Variants in INSC observed in about 807,000 individuals in gnomAD.
The protein encoded by INSC is protein inscuteable homolog.
A neutral mutation model predicts 58.6 loss-of-function variants in INSC; 67 were observed. The observed-to-expected ratio is 1.14, with a 90% CI of 0.94 to 1.40. INSC has a LOEUF of 1.40. Among genes scored for constraint, INSC ranks in the 40% most tolerant of loss-of-function variants. INSC has a pLI of 0.00. For missense variants in INSC, 714 were observed against 692.0 expected (o/e 1.03, Z -0.36); for synonymous variants, 262 against 276.1 (o/e 0.95, Z 0.51).
chr11:15,259,510 T>A, the INSC span, among the ~76,000 whole-genome samples: 1 of 152,220 alleles, frequency 6.6e-6, no homozygotes, highest in African/African-American at 2.4e-5. Flanking sequence ...AAGAGTTGTA[T>A]GACTTGAGTT....
chr11:15,175,881 G>C lies in INSC; in HGVS notation c.197G>C (p.Gly66Ala). Residue 66 changes from glycine (G) to alanine (A), a missense_variant, in exon 3 of 13, where the codon GGT (glycine) becomes GCT (alanine). Gly to Ala is a moderately conservative substitution (Grantham distance 60). Coordinates refer to ENST00000379556, the MANE Select transcript of INSC (RefSeq NM_001042536.3). ...GCACAGGGTGACCTCATCCTGGCAG[G>C]TGGCCCTGGCCCTGGAGACCCCCTG... is the stretch of plus-strand genomic sequence containing the variant. ...EDAQGDLILA[G>A]GPGPGDPLQL... The C allele has an allele frequency of 6.2e-7, 1 of 1,614,098 alleles. No homozygotes were observed. Among genetic ancestry groups the C allele is most frequent in the Non-Finnish European group, 8.5e-7 (1 of 1,179,938 alleles).
At chr11:15,190,883 G>A in intron 6 of INSC, 69 bp downstream of exon 6, 1 of 1,035,276 alleles carries the variant, frequency 9.7e-7, no homozygotes, top group Non-Finnish European at 1.5e-6. Context: ...TTGTTCAATG[G>A]GAATAGCTGG....
chr11:15,195,692 CATT>C (rs1311884890), intron 6 of INSC, among the ~76,000 whole-genome samples: 1 of 152,182 alleles, frequency 6.6e-6, no homozygotes, highest in African/African-American at 2.4e-5. Context: ...TCCAGTTAAA[CATT>C]AATCCCAAAC....
chr11:15,179,529 T>C (rs867293595), intron 5 of INSC, among the ~76,000 whole-genome samples: 1 of 152,200 alleles, frequency 6.6e-6, no homozygotes, highest in Non-Finnish European at 1.5e-5. Flanking sequence ...CCCTTCTGGC[T>C]TGACTGACAT....
At chr11:15,245,872 C>T in intron 12 of INSC, 40 bp from the exon 13 acceptor site, 1 of 1,600,200 alleles carries the variant, frequency 6.2e-7, no homozygotes, top group Non-Finnish European at 8.5e-7. Context: ...CCTGACATGG[C>T]CCAGTCTGAC....
chr11:15,115,061 A>C (rs2133668159), intron 1 of INSC, 58 bp downstream of exon 1: 1 of 953,486 alleles, frequency 1.0e-6, no homozygotes, highest in African/African-American at 1.8e-5. Context: ...CTGCTAGCCT[A>C]GTTGGGAACA....
intron 7 of INSC, among the ~76,000 whole-genome samples, chr11:15,208,204 C>T (rs564071478): frequency 6.6e-5 from 10 of 152,302 alleles, no homozygotes; most frequent in African/African-American, 9.6e-5. Context: ...GAATGAAGGT[C>T]GCAGATGCCT....
upstream of INSC, among the ~76,000 whole-genome samples, chr11:15,113,525 T>C (rs1847624256): frequency 6.6e-6 from 1 of 152,102 alleles, no homozygotes; most frequent in African/African-American, 2.4e-5. Flanking sequence ...CTGCAAACAG[T>C]CTGTAAGACT....
chr11:15,264,399 T>C, the INSC span, among the ~76,000 whole-genome samples: 1 of 147,222 alleles, frequency 6.8e-6, no homozygotes, highest in Non-Finnish European at 1.5e-5. Context: ...CCCACCTGGA[T>C]ACTCCAAGGT....
intron 7 of INSC, among the ~76,000 whole-genome samples, chr11:15,214,856 C>A (rs1238726492): frequency 2.6e-5 from 4 of 152,118 alleles, no homozygotes; most frequent in African/African-American, 9.7e-5. Context: ...CTTTATGCCC[C>A]CCACCAATCC....
chr11:15,189,777 A>T (rs1488807409), intron 5 of INSC, among the ~76,000 whole-genome samples: 1 of 152,180 alleles, frequency 6.6e-6, no homozygotes, highest in Non-Finnish European at 1.5e-5. Flanking sequence ...CTCTAACTCC[A>T]TTCTTTCTAG....
chr11:15,134,901 C>T (rs1199921067), intron 1 of INSC, among the ~76,000 whole-genome samples: 1 of 151,902 alleles, frequency 6.6e-6, no homozygotes, highest in Admixed American at 6.6e-5. Context: ...TGGCATCACT[C>T]AACAGGTAGA....
intron 12 of INSC, among the ~76,000 whole-genome samples, chr11:15,241,381 G>T (rs555051333): frequency 6.6e-6 from 1 of 152,176 alleles, no homozygotes; most frequent in African/African-American, 2.4e-5. Flanking sequence ...AGCTGAGCTT[G>T]TCTCTTTTCT....
At position 15,158,851 on chromosome 11, in the gene INSC, T is replaced by C. The variant is rs1482641147; in HGVS notation, c.56+9621T>C. On this transcript the variant is annotated intron_variant, in intron 2 of 12. Transcript: ENST00000379556. ...GCTCTTATAATTATAACCAGATGAA[T>C]TGTTGGTGGTTTTTTTTTTTTTTTT... Among the ~76,000 whole-genome samples the C allele has an allele frequency of 2.2e-5, 3 of 137,078 alleles. No homozygotes were observed. In the East Asian group the frequency reaches 5.9e-4, roughly 27 times the overall value. The allele number at this position is 137,078 out of a possible 152,430, so 89.9% of individuals were successfully genotyped here.
intron 1 of INSC, among the ~76,000 whole-genome samples, chr11:15,135,834 A>C (rs1564863007): frequency 6.6e-6 from 1 of 152,194 alleles, no homozygotes; most frequent in East Asian, 1.9e-4. Flanking sequence ...ATTGGCTTAC[A>C]GTTCTGGAGG....
chr11:15,253,749 G>GT, the INSC span, among the ~76,000 whole-genome samples: 1,672 of 152,218 alleles, frequency 0.011, 15 homozygotes, highest in Middle Eastern at 0.048. Flanking sequence ...CCCATAGCAG[G>GT]TGGGAGAATG....
the INSC span, among the ~76,000 whole-genome samples, chr11:15,258,418 A>G: frequency 5.7e-3 from 872 of 152,300 alleles, 8 homozygotes; most frequent in African/African-American, 0.02. Flanking sequence ...CACTTGTCTC[A>G]TCCCTTGAAG....
At chr11:15,168,933 C>T (rs554666499) in intron 2 of INSC, among the ~76,000 whole-genome samples, 331 of 152,064 alleles carry the variant, frequency 2.2e-3, no homozygotes, top group African/African-American at 6.7e-3. Context: ...TGTTATATTT[C>T]GATAAAAATT....
chr11:15,256,696 G>T, the INSC span, among the ~76,000 whole-genome samples: 2 of 152,078 alleles, frequency 1.3e-5, no homozygotes, highest in African/African-American at 2.4e-5. Context: ...CACCATGTTG[G>T]TGAGGCTGGT....
Sources: gnomAD v4.1 joint callset for allele counts (sites outside exome capture counted in the v4.1 genomes callset) on GRCh38, gnomAD v4.1.1 for gene constraint, MANE v1.5 for transcripts, NCBI Gene and HGNC (gene_info 2026-07-23, HGNC 2026-07-21) for gene names.